Variants in PROCA1 observed in about 807,000 individuals in gnomAD.
The protein encoded by PROCA1 is protein interacting with cyclin A1.
Under a neutral mutation model 23.2 loss-of-function variants are expected in PROCA1, and 22 were observed. The ratio of observed to expected loss-of-function variants is 0.95; its 90% confidence interval spans 0.68 to 1.35. The LOEUF is 1.35. Ranked by LOEUF, PROCA1 falls within the 40% of genes most tolerant of loss-of-function variation. PROCA1 has a pLI of 0.00. For missense variants in PROCA1, 469 were observed against 459.8 expected (o/e 1.02, Z -0.18); for synonymous variants, 182 against 179.2 (o/e 1.02, Z -0.12).
chr17:28,710,813 A>T (rs1266230926), intron 1 of PROCA1: 24 of 1,304,076 alleles, frequency 1.8e-5, no homozygotes, highest in Non-Finnish European at 2.4e-5. Context: ...TGGGAGGCTT[A>T]TGGCGTCTTT....
rs977379662 is a variant in PROCA1, at chr17:28,711,808, G to A, written c.-148C>T. ...CCTAACCCCGCCTCATGCTGGCGCA[G>A]CCCCCGCCGGCCTCCCCAGCCCGGC... On this transcript the variant is annotated 5_prime_UTR_variant, in exon 1 of 5. Coordinates refer to ENST00000682792, the MANE Select transcript of PROCA1 (RefSeq NM_001366301.1). 3.3e-6 allele frequency: 2 copies of A among 606,320 alleles called. No homozygotes were observed. Among genetic ancestry groups the A allele is most frequent in the South Asian group, 4.6e-5 (2 of 43,398 alleles). The allele number at this position is 606,320 out of a possible 1,614,324, so 37.6% of individuals were successfully genotyped here. A position where few individuals can be genotyped will look rare whatever the true frequency, so the allele number is the denominator to read the frequency against.
At position 28,711,835 on chromosome 17, in the gene PROCA1, C is replaced by T; in HGVS notation, c.-175G>A. ...CCCCGCCGGCCTCCCCAGCCCGGCTCCAGGCTGCGTAGTCTTCCCAGCTGG... is the reference window on the plus strand; with the variant it reads ...CCCCGCCGGCCTCCCCAGCCCGGCTTCAGGCTGCGTAGTCTTCCCAGCTGG... On this transcript the variant is annotated 5_prime_UTR_variant, in exon 1 of 5. Transcript: ENST00000682792. 1.8e-6 allele frequency: 1 copy of T among 555,534 alleles called. No homozygotes were observed. Among genetic ancestry groups the T allele is most frequent in the Non-Finnish European group, 3.1e-6 (1 of 323,624 alleles). 34.4% of individuals were successfully genotyped at this position (555,534 alleles called of 1,614,324 possible).
chr17:28,704,579 T>G (rs1320017901), intron 3 of PROCA1, 129 bp downstream of exon 3: 2 of 1,557,356 alleles, frequency 1.3e-6, no homozygotes, highest in Middle Eastern at 3.6e-4. Context: ...GAGCAAGGTG[T>G]GCAGAGCTGG....
intron 2 of PROCA1, 82 bp downstream of exon 2, chr17:28,706,598 A>G (rs143316936): frequency 2.9e-6 from 3 of 1,022,258 alleles, no homozygotes; most frequent in East Asian, 1.2e-4. Flanking sequence ...TCCCTGCCTC[A>G]GGACCAAGCT....
intron 1 of PROCA1, among the ~76,000 whole-genome samples, chr17:28,708,746 ACG>A (rs2032644824): frequency 1.3e-5 from 2 of 150,894 alleles, no homozygotes; most frequent in African/African-American, 4.9e-5. Flanking sequence ...AAAAAAAAAA[ACG>A]ACATTTTGGG....
intron 1 of PROCA1, chr17:28,711,247 G>A (rs1348929962): frequency 2.4e-6 from 2 of 825,504 alleles, no homozygotes; most frequent in African/African-American, 3.5e-5. Context: ...CGCTTCAAGG[G>A]CAGCGGCCTG....
intron 1 of PROCA1, chr17:28,710,788 T>A: frequency 7.7e-7 from 1 of 1,303,672 alleles, no homozygotes; most frequent in Admixed American, 2.3e-5. Context: ...AGGAGGGTGA[T>A]AGGGTGAAAG....
Position 28,706,666 on chromosome 17 carries a change from T to G in PROCA1, c.175+14A>C. 1.5e-6 allele frequency: 2 copies of G among 1,300,720 alleles called. No individual in the cohort carries two copies. The highest frequency in any genetic ancestry group is 2.0e-6 in the Non-Finnish European group (2 of 986,830). 80.6% of individuals were successfully genotyped at this position (1,300,720 alleles called of 1,614,324 possible). ...TGATGAGGATCCCCTGGGTCAAAGG[T>G]CTCCTGGACCCACCTTCAGAGAAGG... On this transcript the variant is annotated intron_variant, in intron 2 of 4. Transcript: ENST00000682792.
At position 28,704,317 on chromosome 17, in the gene PROCA1, G is replaced by A. The variant is rs372096791; in HGVS notation, c.430C>T (p.Arg144Trp). 3.3e-5 allele frequency: 54 copies of A among 1,613,148 alleles called. No homozygotes were observed. The highest frequency in any genetic ancestry group is 4.1e-5 in the Non-Finnish European group (48 of 1,179,488). Residue 144 changes from arginine to tryptophan, a missense_variant, in exon 4 of 5, where the codon CGG (arginine) becomes TGG (tryptophan). Arg to Trp is a moderately radical substitution (Grantham distance 101). Transcript: ENST00000682792. ...TPEEEHVERF[R>W]YGWCKSYRPV... ...CCGGGGCTCACTCACCAGCCATACC[G>A]GAATCGCTCCACATGCTCCTCCTCC...
Position 28,703,583 on chromosome 17 carries a change from G to T in PROCA1, c.1070C>A (p.Pro357Gln), listed in dbSNP as rs188624178. The change falls in exon 5 of 5, where the codon CCA (proline) becomes CAA (glutamine). Residue 357 changes from proline (P) to glutamine (Q), a missense_variant. Pro to Gln is a moderately conservative substitution (Grantham distance 76). Transcript: ENST00000682792. ...TCAACTGAGGTTGGGGTTTGATCCT[G>T]GGGGAGATTTTCTCTTGTTTACCTT... ...ARKVNKRKSP[P>Q]GSNPNLS is the part of the protein sequence containing the mutation. 1.3e-4 allele frequency: 204 copies of T among 1,614,056 alleles called. No individual in the cohort carries two copies. Among genetic ancestry groups the T allele is most frequent in the Non-Finnish European group, 1.4e-4 (163 of 1,179,972 alleles).
chr17:28,705,954 C>G (rs2032455295), intron 2 of PROCA1: 2 of 152,414 alleles, frequency 1.3e-5, no homozygotes, highest in South Asian at 4.1e-4. Flanking sequence ...AGGAGTGGAA[C>G]TAGGGTGAGA....
At chr17:28,708,230 G>T (rs1360073634) in intron 1 of PROCA1, among the ~76,000 whole-genome samples, 1 of 152,084 alleles carries the variant, frequency 6.6e-6, no homozygotes, top group South Asian at 2.1e-4. Flanking sequence ...GGCTGGTCTC[G>T]AACTCCTGAC....
At chr17:28,706,820 C>A in intron 1 of PROCA1, 57 bp from the exon 2 acceptor site, 1 of 1,297,304 alleles carries the variant, frequency 7.7e-7, no homozygotes, top group East Asian at 5.6e-5. Context: ...GCCATTTATT[C>A]ACCAAACATA....
chr17:28,708,929 G>A (rs1744116748), intron 1 of PROCA1, among the ~76,000 whole-genome samples: 1 of 151,956 alleles, frequency 6.6e-6, no homozygotes. Context: ...CAGGGAGATC[G>A]AGGCCGCAGT....
intron 1 of PROCA1, chr17:28,711,266 G>A (rs1032003945): frequency 4.4e-6 from 3 of 687,876 alleles, no homozygotes; most frequent in African/African-American, 1.8e-5. Flanking sequence ...TGCGCCCGGT[G>A]CCACCCAGTC....
rs746253854 is a variant in PROCA1, at chr17:28,703,823, G to A, written c.830C>T (p.Pro277Leu). Reference protein sequence around the residue: ...KKSPVKLEPSPPDVSRSLSAR... With the variant: ...KKSPVKLEPSLPDVSRSLSAR... ...GCTTAATGATCGGCTCACGTCTGGC[G>A]GGGAAGGCTCCAATTTAACCGGGCT... Residue 277 changes from proline to leucine, a missense_variant, in exon 5 of 5, where the codon CCG becomes CTG. Pro to Leu is a moderately conservative substitution (Grantham distance 98, BLOSUM62 -3). Transcript: ENST00000682792. 14 of 1,614,010 alleles carry A rather than the reference G, an allele frequency of 8.7e-6. No individual in the cohort carries two copies. Among genetic ancestry groups the A allele is most frequent in the East Asian group, 2.2e-5 (1 of 44,896 alleles).
Position 28,703,757 on chromosome 17 carries a change from C to A in PROCA1, c.896G>T (p.Ser299Ile), listed in dbSNP as rs773145372. 1.9e-6 allele frequency: 3 copies of A among 1,614,126 alleles called. No homozygotes were observed. The highest frequency in any genetic ancestry group is 1.7e-5 in the Admixed American group (1 of 60,020). ...GTCCTCGCTCTCCAGCTCTTCCCGGCTTTCTGGGCTGGACTCGGACATCCT... is the reference window on the plus strand; with the variant it reads ...GTCCTCGCTCTCCAGCTCTTCCCGGATTTCTGGGCTGGACTCGGACATCCT... The part of the protein sequence containing the change: ...LARMSESSPE[S>I]REELESEDSY... The change falls in exon 5 of 5, where the codon AGC becomes ATC. Residue 299 changes from serine to isoleucine, a missense_variant. By Grantham distance (142) the Ser-to-Ile change is moderately radical. Coordinates refer to ENST00000682792, the MANE Select transcript of PROCA1 (RefSeq NM_001366301.1).
At position 28,704,183 on chromosome 17, in the gene PROCA1, G is replaced by A. The variant is rs2032307021; in HGVS notation, c.470C>T (p.Ala157Val). 2.6e-6 allele frequency: 4 copies of A among 1,543,152 alleles called. No homozygotes were observed. Among genetic ancestry groups the A allele is most frequent in the Non-Finnish European group, 3.5e-6 (4 of 1,149,254 alleles). ...ATGGTAGAGTGGATGGTGGATCACT[G>A]CCACAGAGACAGGTCTGTAGCTTTT... ...WCKSYRPVSV[A>V]VIHHPLYHEC... is the part of the protein sequence containing the mutation. Residue 157 changes from alanine (A) to valine (V), a missense_variant, in exon 5 of 5, where the codon GCA becomes GTA. Transcript: ENST00000682792.
chr17:28,704,104 G>A lies in PROCA1; in HGVS notation c.549C>T (p.Ser183=), dbSNP rs1350512494. 7.0e-6 allele frequency: 11 copies of A among 1,582,244 alleles called. No homozygotes were observed. Among genetic ancestry groups the A allele is most frequent in the Non-Finnish European group, 9.4e-6 (11 of 1,168,950 alleles). The change falls in exon 5 of 5, where the codon AGC becomes AGT. Residue 183 remains serine, a synonymous_variant. Transcript: ENST00000682792. ...NEEEEEEEEE[S]KPPIPTQVGP... is the part of the protein sequence containing the mutation. ...CCACCTGTGTCGGGATGGGGGGCTTGCTTTCCTCCTCCTCCTCTTCCTCTT... is the reference window on the plus strand; with the variant it reads ...CCACCTGTGTCGGGATGGGGGGCTTACTTTCCTCCTCCTCCTCTTCCTCTT...
Sources: allele counts gnomAD v4.1 joint callset (sites outside exome capture counted in the v4.1 genomes callset), GRCh38; gene constraint gnomAD v4.1.1; transcripts MANE v1.5; gene names NCBI Gene and HGNC (gene_info 2026-07-23, HGNC 2026-07-21).